Variants in DCTN4 observed in about 807,000 individuals in gnomAD.
DCTN4 encodes dynactin 4 (p62).
Under a neutral mutation model 62.7 loss-of-function variants are expected in DCTN4, and 23 were observed. The observed-to-expected ratio is 0.37, with a 90% CI of 0.26 to 0.52. The LOEUF (loss-of-function observed/expected upper bound fraction) is 0.52, where lower values mean the gene tolerates loss of function less well. DCTN4 is among the 20% of genes least tolerant of loss of function. DCTN4 has a pLI of 0.92. For missense variants in DCTN4, 514 were observed against 580.4 expected, an observed-to-expected ratio of 0.89 and a Z score of 1.18; for synonymous variants, 199 against 202.1, an observed-to-expected ratio of 0.98 and a Z score of 0.13.
At chr5:150,741,539 G>A (rs1760771352) in intron 4 of DCTN4, among the ~76,000 whole-genome samples, 1 of 151,868 alleles carries the variant, frequency 6.6e-6, no homozygotes, top group African/African-American at 2.4e-5. Context: ...GGAGCGTGGT[G>A]GTATGATCAT....
At position 150,730,744 on chromosome 5, in the gene DCTN4, G is replaced by C. The variant is rs1760330893; in HGVS notation, c.725-4C>G. Reference sequence around the variant, plus strand: ...AGACGCTGCTGAAGGGTTGTTACTAGAAAGAAAGGCAGAAAACAGGCTTAG... The same window carrying C: ...AGACGCTGCTGAAGGGTTGTTACTACAAAGAAAGGCAGAAAACAGGCTTAG... On this transcript the variant is annotated splice_region_variant and splice_polypyrimidine_tract_variant and intron_variant, in intron 7 of 12. Coordinates refer to ENST00000447998, the MANE Select transcript of DCTN4 (RefSeq NM_016221.4). 6.2e-7 allele frequency: 1 copy of C among 1,612,852 alleles called. No homozygotes were observed. The highest frequency in any genetic ancestry group is 1.3e-5 in the African/African-American group (1 of 74,902).
intron 2 of DCTN4, among the ~76,000 whole-genome samples, chr5:150,755,252 G>C (rs1752815857): frequency 6.6e-6 from 1 of 152,122 alleles, no homozygotes; most frequent in Non-Finnish European, 1.5e-5. Context: ...ATAAACAAGA[G>C]GAGAAGAGAC....
Position 150,740,888 on chromosome 5 carries a change from C to A in DCTN4, c.429+1226G>T, listed in dbSNP as rs114738050. ...CATAAGAATGATACAATGGACTTTGCGGACTCAGGGGGAAAGCTGGGAAGG... is the reference window on the plus strand; with the variant it reads ...CATAAGAATGATACAATGGACTTTGAGGACTCAGGGGGAAAGCTGGGAAGG... On this transcript the variant is annotated intron_variant, in intron 4 of 12. Coordinates refer to ENST00000447998, the MANE Select transcript of DCTN4 (RefSeq NM_016221.4). Among the ~76,000 whole-genome samples the A allele has an allele frequency of 5.5e-3, 842 of 152,122 alleles. 7 individuals are homozygous for A. Among genetic ancestry groups the A allele is most frequent in the African/African-American group, 0.02 (817 of 41,478 alleles).
intron 9 of DCTN4, among the ~76,000 whole-genome samples, chr5:150,720,962 T>C (rs6859040): frequency 0.041 from 6,254 of 152,310 alleles, 454 homozygotes; most frequent in African/African-American, 0.14. Context: ...TCTGTAGGTC[T>C]CTAACCAATC....
intron 1 of DCTN4, chr5:150,757,989 G>A: frequency 1.2e-6 from 1 of 824,642 alleles, no homozygotes; most frequent in Non-Finnish European, 1.5e-6. Flanking sequence ...CACTTAAATT[G>A]GTTTGAAGAT....
chr5:150,749,470 A>T (rs757296815), intron 3 of DCTN4, among the ~76,000 whole-genome samples: 1 of 152,068 alleles, frequency 6.6e-6, no homozygotes, highest in Non-Finnish European at 1.5e-5. Flanking sequence ...AGGGATTGGA[A>T]CTCTCCTAAT....
chr5:150,732,484 C>G (rs1300595402), intron 5 of DCTN4, among the ~76,000 whole-genome samples: 2 of 152,258 alleles, frequency 1.3e-5, no homozygotes, highest in Admixed American at 1.3e-4. Context: ...CTTTACCAAC[C>G]CTTAGGGTTT....
At chr5:150,753,743 C>A in intron 2 of DCTN4, 86 bp from the exon 3 acceptor site, 1 of 1,352,152 alleles carries the variant, frequency 7.4e-7, no homozygotes, top group Admixed American at 2.5e-5. Context: ...AAGTGTCTCT[C>A]AAGAAAAAAC....
chr5:150,730,608 A>G (rs910802042), intron 8 of DCTN4, 23 bp downstream of exon 8: 1 of 1,597,694 alleles, frequency 6.3e-7, no homozygotes, highest in Non-Finnish European at 8.6e-7. Context: ...ACAAATGGTC[A>G]GTCTACAGAA....
In DCTN4 at chr5:150,742,494, A is replaced by T. The variant is rs370331248; in HGVS notation, c.386-337T>A. 1.6e-4 allele frequency among the ~76,000 whole-genome samples: 25 copies of T among 152,304 alleles called. No homozygotes were observed. In the East Asian group the frequency reaches 2.5e-3, roughly 15 times the overall value. On this transcript the variant is annotated intron_variant, in intron 3 of 12. Transcript: ENST00000447998. The stretch of plus-strand genomic sequence containing the variant: ...TCAGAGATGTTAAATAACTTGCTCA[A>T]AGTCACACGGAGAGTAAGTGGTAAA...
chr5:150,740,913 G>T (rs1028994705), intron 4 of DCTN4, among the ~76,000 whole-genome samples: 2 of 152,126 alleles, frequency 1.3e-5, no homozygotes, highest in Admixed American at 6.6e-5. Flanking sequence ...AGCTGGGAAG[G>T]GGGTGAGGAT....
intron 5 of DCTN4, among the ~76,000 whole-genome samples, chr5:150,732,507 T>C (rs1463718925): frequency 6.6e-6 from 1 of 152,224 alleles, no homozygotes; most frequent in South Asian, 2.1e-4. Flanking sequence ...ATGACTTAAC[T>C]AATTTTCATG....
At chr5:150,733,150 T>A (rs1333614901) in intron 5 of DCTN4, among the ~76,000 whole-genome samples, 1 of 152,198 alleles carries the variant, frequency 6.6e-6, no homozygotes, top group African/African-American at 2.4e-5. Flanking sequence ...AGGGGAGTGA[T>A]GGAGAAAGAA....
intron 3 of DCTN4, among the ~76,000 whole-genome samples, chr5:150,745,186 G>A (rs1760915283): frequency 6.6e-6 from 1 of 150,512 alleles, no homozygotes; most frequent in Non-Finnish European, 1.5e-5. Flanking sequence ...GATCAAAAGA[G>A]ACAAAGAAGG....
chr5:150,725,710 T>C (rs1760119019), intron 8 of DCTN4, among the ~76,000 whole-genome samples: 1 of 152,292 alleles, frequency 6.6e-6, no homozygotes, highest in African/African-American at 2.4e-5. Flanking sequence ...CTTAACTACG[T>C]TGTGATCAAA....
chr5:150,724,250 T>C (rs1760059916), intron 8 of DCTN4, among the ~76,000 whole-genome samples: 1 of 152,236 alleles, frequency 6.6e-6, no homozygotes, highest in Non-Finnish European at 1.5e-5. Flanking sequence ...CTTTCATATT[T>C]ATTGGCTATT....
chr5:150,735,327 A>C (rs1760536696), intron 4 of DCTN4, among the ~76,000 whole-genome samples: 1 of 152,252 alleles, frequency 6.6e-6, no homozygotes, highest in South Asian at 2.1e-4. Flanking sequence ...GAGTCTGTCC[A>C]CGTGACAATT....
At chr5:150,727,695 G>A (rs948432063) in intron 8 of DCTN4, among the ~76,000 whole-genome samples, 13 of 145,080 alleles carry the variant, frequency 9.0e-5, no homozygotes, top group African/African-American at 3.3e-4. Context: ...AGAATGGCGT[G>A]AACCCGGGAG....
At chr5:150,731,852 T>C (rs1561698185) in intron 5 of DCTN4, 9 of 1,547,458 alleles carry the variant, frequency 5.8e-6, no homozygotes, top group African/African-American at 1.4e-5. Flanking sequence ...GCTAACTTCT[T>C]CAGGGTCAGC....
Sources: allele counts gnomAD v4.1 joint callset (sites outside exome capture counted in the v4.1 genomes callset), GRCh38; gene constraint gnomAD v4.1.1; transcripts MANE v1.5; gene names NCBI Gene and HGNC (gene_info 2026-07-23, HGNC 2026-07-21).